ANKFN1: variants seen among roughly 807,000 people sequenced by gnomAD.
ANKFN1 encodes the protein ankyrin repeat and fibronectin type-III domain-containing protein 1.
ANKFN1 carries 74 observed loss-of-function variants against 108.7 expected under a neutral mutation model. The observed-to-expected ratio is 0.68, with a 90% CI of 0.56 to 0.83. ANKFN1 has a LOEUF of 0.83. ANKFN1 is among the 40% of genes least tolerant of loss of function. The pLI, the probability that ANKFN1 is intolerant of heterozygous loss-of-function variation, is 0.00. For missense variants in ANKFN1, 1,505 were observed against 1,382.3 expected, an observed-to-expected ratio of 1.09 and a Z score of -1.41; for synonymous variants, 547 against 516.2, an observed-to-expected ratio of 1.06 and a Z score of -0.81.
chr17:56,055,603 T>TATATATATATATACATATATA (rs1555588793), intron 4 of ANKFN1, among the ~76,000 whole-genome samples: 1 of 37,704 alleles, frequency 2.7e-5, no homozygotes, highest in African/African-American at 1.3e-4. Flanking sequence ...ATATACACAT[T>TATATATATATATACATATATA]TTTTTATCCA....
At chr17:56,423,432 C>T (rs2048469797) in intron 8 of ANKFN1, among the ~76,000 whole-genome samples, 1 of 152,186 alleles carries the variant, frequency 6.6e-6, no homozygotes, top group African/African-American at 2.4e-5. Flanking sequence ...TCCAATGACC[C>T]TCCTTACACC....
chr17:56,232,592 G>T (rs1474561053), intron 3 of ANKFN1, among the ~76,000 whole-genome samples: 1 of 152,122 alleles, frequency 6.6e-6, no homozygotes, highest in Non-Finnish European at 1.5e-5. Context: ...TAAATCCTTT[G>T]TCAGTTTGAT....
At chr17:56,384,526 G>A (rs542864332) in intron 8 of ANKFN1, among the ~76,000 whole-genome samples, 197 of 152,290 alleles carry the variant, frequency 1.3e-3, no homozygotes, top group African/African-American at 4.4e-3. Context: ...AGGAAAAGAG[G>A]AAATCAAATT....
intron 12 of ANKFN1, 54 bp from the exon 13 acceptor site, chr17:56,457,203 A>T: frequency 6.7e-7 from 1 of 1,486,902 alleles, no homozygotes; most frequent in Admixed American, 2.4e-5. Flanking sequence ...ATCCAAAAAA[A>T]TATTTTTCCA....
At chr17:56,324,505 C>T (rs1376143610) in intron 3 of ANKFN1, among the ~76,000 whole-genome samples, 1 of 152,108 alleles carries the variant, frequency 6.6e-6, no homozygotes, top group Admixed American at 6.6e-5. Flanking sequence ...ACCCCCTAAC[C>T]TTAGTAGAGT....
chr17:56,236,104 C>T (rs1441276641), intron 3 of ANKFN1, among the ~76,000 whole-genome samples: 1 of 151,984 alleles, frequency 6.6e-6, no homozygotes, highest in Non-Finnish European at 1.5e-5. Flanking sequence ...GTCACCCAGG[C>T]TGGAGTGCAG....
intron 19 of ANKFN1, 93 bp downstream of exon 19, chr17:56,492,446 G>A: frequency 1.6e-6 from 1 of 636,962 alleles, no homozygotes; most frequent in Non-Finnish European, 2.9e-6. Flanking sequence ...AGCAGTCCAG[G>A]CTGATTCAAA....
chr17:56,318,314 A>G (rs1472456336), intron 3 of ANKFN1, among the ~76,000 whole-genome samples: 1 of 152,172 alleles, frequency 6.6e-6, no homozygotes, highest in Non-Finnish European at 1.5e-5. Context: ...GAAGCAGATA[A>G]GAAAGTAGAA....
At chr17:56,102,049 C>T (rs957977710) in intron 4 of ANKFN1, among the ~76,000 whole-genome samples, 10 of 152,206 alleles carry the variant, frequency 6.6e-5, no homozygotes, top group African/African-American at 2.4e-4. Flanking sequence ...TTGCATTTAT[C>T]ACCAAGAAGT....
intron 18 of ANKFN1, among the ~76,000 whole-genome samples, chr17:56,483,161 A>C (rs944068379): frequency 2.0e-5 from 3 of 152,224 alleles, no homozygotes; most frequent in African/African-American, 7.2e-5. Flanking sequence ...TCTTGTCCTG[A>C]CTTTCAAAAA....
rs555415788 is a variant in ANKFN1 at position 56,441,713 on chromosome 17, C to G, written c.1009-1130C>G. On this transcript the variant is annotated intron_variant, in intron 9 of 20. Coordinates refer to ENST00000682825, the MANE Select transcript of ANKFN1 (RefSeq NM_001370326.1). ...TTTCCATAGGGATTAAGTTTTTCCA[C>G]TTGACCATCTAATGAAAGAAATGCA... is the stretch of plus-strand genomic sequence containing the variant. Among the ~76,000 whole-genome samples the G allele has an allele frequency of 9.8e-5, 15 of 152,312 alleles. 1 individual carries two copies. In the East Asian group the frequency reaches 2.9e-3, roughly 29 times the overall value.
chr17:56,098,514 C>T (rs1428172274), intron 4 of ANKFN1, among the ~76,000 whole-genome samples: 7 of 152,084 alleles, frequency 4.6e-5, no homozygotes, highest in Non-Finnish European at 8.8e-5. Flanking sequence ...CTCTCTGACA[C>T]GTGATATACT....
intron 4 of ANKFN1, among the ~76,000 whole-genome samples, chr17:56,048,355 T>C (rs965283225): frequency 1.3e-5 from 2 of 152,194 alleles, no homozygotes; most frequent in Non-Finnish European, 2.9e-5. Context: ...AAAATATGAA[T>C]TTTTATGGCT....
At chr17:56,451,482 A>G (rs907384719) in intron 11 of ANKFN1, among the ~76,000 whole-genome samples, 17 of 152,318 alleles carry the variant, frequency 1.1e-4, no homozygotes, top group Admixed American at 9.8e-4. Context: ...TTTATTTAAA[A>G]TATTCAAATA....
chr17:56,425,255 G>T (rs2048525346), intron 8 of ANKFN1, among the ~76,000 whole-genome samples: 1 of 152,138 alleles, frequency 6.6e-6, no homozygotes, highest in Non-Finnish European at 1.5e-5. Context: ...AATAGGAAAA[G>T]GTGGTTTTGG....
At chr17:56,347,041 T>G (rs566978789) in intron 4 of ANKFN1, among the ~76,000 whole-genome samples, 6 of 151,858 alleles carry the variant, frequency 4.0e-5, no homozygotes, top group African/African-American at 1.4e-4. Flanking sequence ...TCATTTTACA[T>G]TTTCTATTTA....
chr17:56,076,388 A>G (rs1905181538), intron 4 of ANKFN1, among the ~76,000 whole-genome samples: 1 of 152,250 alleles, frequency 6.6e-6, no homozygotes, highest in Admixed American at 6.5e-5. Context: ...GCACATTTGC[A>G]TAATCTGCTA....
intron 1 of ANKFN1, among the ~76,000 whole-genome samples, chr17:56,191,899 G>A (rs1365577851): frequency 2.5e-4 from 37 of 150,878 alleles, no homozygotes; most frequent in Admixed American, 6.6e-4. Context: ...ATTTCTTGGA[G>A]GCTTTGCTCA....
chr17:56,096,229 G>C (rs529435104), intron 4 of ANKFN1, among the ~76,000 whole-genome samples: 14 of 152,262 alleles, frequency 9.2e-5, no homozygotes, highest in African/African-American at 3.4e-4. Context: ...CCAGAGGCCA[G>C]GATGTGGTTG....
Sources: gnomAD v4.1 joint callset for allele counts (sites outside exome capture counted in the v4.1 genomes callset) on GRCh38, gnomAD v4.1.1 for gene constraint, MANE v1.5 for transcripts, NCBI Gene and HGNC (gene_info 2026-07-23, HGNC 2026-07-21) for gene names.